Variants in INKA2 observed in about 807,000 individuals in gnomAD.
INKA2 encodes the protein inka box actin regulator 2.
INKA2 carries 3 observed loss-of-function variants against 9.8 expected under a neutral mutation model. That is an observed-to-expected ratio of 0.31 (90% CI 0.14 to 0.79). INKA2 has a LOEUF of 0.79. Among genes scored for constraint, INKA2 ranks in the 30% least tolerant of loss-of-function variants. INKA2 has a pLI of 0.62. For synonymous variants in INKA2, 147 were observed against 143.3 expected, an observed-to-expected ratio of 1.03 and a Z score of -0.18; for missense variants, 392 against 384.4, an observed-to-expected ratio of 1.02 and a Z score of -0.17.
chr1:111,739,891 T>C (rs80260187), upstream of INKA2: 1 of 152,190 alleles, frequency 6.6e-6, no homozygotes, highest in South Asian at 2.1e-4. Flanking sequence ...AGTGAAATCC[T>C]CGCAGCCCTG....
Position 111,739,177 on chromosome 1 carries a change from C to G in INKA2, c.57+9G>C, listed in dbSNP as rs552811222. On this transcript the variant is annotated intron_variant, in intron 1 of 1. Transcript: ENST00000357260. ...GCCCTCCCTGCCCCGGCGCCAGCTT[C>G]GCTCTTACCAGCTCCTGTTTGAGGC... 12 of 1,613,134 alleles carry G rather than the reference C, an allele frequency of 7.4e-6. No individual in the cohort carries two copies. In the East Asian group the frequency reaches 1.8e-4, roughly 24 times the overall value.
rs197433 is a variant in INKA2 at position 111,726,044 on chromosome 1, T to C, written c.*924A>G. 0.83 allele frequency: 331,944 copies of C among 398,564 alleles called. 138,760 individuals are homozygous for C. The highest frequency in any genetic ancestry group is 0.94 in the African/African-American group (45,779 of 48,746). The allele number at this position is 398,564 out of a possible 1,614,324, so 24.7% of individuals were successfully genotyped here. ...GAGCCACAGCGCCCAGCCTGCGGGGTGCTAAGAACTGTTGGGGAGGAGTGT... is the reference window on the plus strand; with the variant it reads ...GAGCCACAGCGCCCAGCCTGCGGGGCGCTAAGAACTGTTGGGGAGGAGTGT... On this transcript the variant is annotated 3_prime_UTR_variant, in exon 2 of 2. Coordinates refer to ENST00000357260, the MANE Select transcript of INKA2 (RefSeq NM_019099.5).
intron 1 of INKA2, among the ~76,000 whole-genome samples, chr1:111,738,626 CCCCCGCAGCCGCGCCAGCTCTGCCAAG>C (rs1663059919): frequency 6.6e-6 from 1 of 152,180 alleles, no homozygotes; most frequent in African/African-American, 2.4e-5. Flanking sequence ...GCCAAGCCTG[CCCCCGCAGCCGCGCCAGCTCTGCCAAG>C]CCCGGCAGAG....
intron 1 of INKA2, chr1:111,745,293 A>ATATATATATATATATTTT (rs1358304932): frequency 2.6e-4 from 13 of 49,256 alleles, no homozygotes; most frequent in South Asian, 2.0e-3. Context: ...ATATATATAT[A>ATATATATATATATATTTT]TTTTTTTTTT....
At chr1:111,732,562 C>T (rs1662931242) in intron 1 of INKA2, among the ~76,000 whole-genome samples, 1 of 139,400 alleles carries the variant, frequency 7.2e-6, no homozygotes, top group Non-Finnish European at 1.5e-5. Flanking sequence ...TAGTCTCTCT[C>T]TCTGTTACAC....
intron 1 of INKA2, chr1:111,754,334 A>C (rs2101406953): frequency 6.6e-6 from 1 of 152,292 alleles, no homozygotes; most frequent in Admixed American, 6.5e-5. Context: ...GTACATTTCC[A>C]GGCAAAATAA....
rs756832621 is a variant in INKA2, at chr1:111,739,218, C to T, written c.25G>A (p.Asp9Asn). The T allele has an allele frequency of 6.2e-7, 1 of 1,613,794 alleles. No homozygotes were observed. The highest frequency in any genetic ancestry group is 1.7e-5 in the Admixed American group (1 of 60,024). The change falls in exon 1 of 2, where the codon GAC becomes AAC. Residue 9 changes from aspartate to asparagine, a missense_variant. Asp to Asn is a conservative substitution (Grantham distance 23, BLOSUM62 1). Coordinates refer to ENST00000357260, the MANE Select transcript of INKA2 (RefSeq NM_019099.5). MTMESREM[D>N]CYLRRLKQEL... ...TGTTTGAGGCGACGGAGATAGCAGT[C>T]CATTTCCCTGCTCTCCATCGTCATG... is the stretch of plus-strand genomic sequence containing the variant.
chr1:111,739,493 G>T, upstream of INKA2: 1 of 1,305,728 alleles, frequency 7.7e-7, no homozygotes, highest in Non-Finnish European at 1.0e-6. Context: ...CAGCCAATGG[G>T]CAGGGCGGCC....
At position 111,727,369 on chromosome 1, in the gene INKA2, G is replaced by A. The variant is rs748187305; in HGVS notation, c.493C>T (p.Leu165=). Residue 165 remains leucine (L), a synonymous_variant, in exon 2 of 2, where the codon CTG becomes TTG. Coordinates refer to ENST00000357260, the MANE Select transcript of INKA2 (RefSeq NM_019099.5). ...LVLGDNVFAD[L]VGNWLDLPEL... ...GGCAAGTCTAGCCAATTGCCCACCA[G>A]GTCTGCAAAAACGTTGTCCCCTAAC... The A allele has an allele frequency of 6.2e-6, 10 of 1,613,912 alleles. No individual in the cohort carries two copies. The highest frequency in any genetic ancestry group is 7.6e-6 in the Non-Finnish European group (9 of 1,179,974).
chr1:111,749,436 G>GTGTA (rs1663348809), intron 1 of INKA2, among the ~76,000 whole-genome samples: 1 of 146,640 alleles, frequency 6.8e-6, no homozygotes, highest in Admixed American at 6.7e-5. Context: ...GTGTGTGTGT[G>GTGTA]TGTGTGTGTG....
intron 1 of INKA2, among the ~76,000 whole-genome samples, chr1:111,731,833 T>G (rs751297620): frequency 6.6e-6 from 1 of 152,236 alleles, no homozygotes; most frequent in Non-Finnish European, 1.5e-5. Context: ...ACTTAGCACA[T>G]AGTAATGACA....
chr1:111,733,938 C>T (rs1662961108), intron 1 of INKA2, among the ~76,000 whole-genome samples: 1 of 152,192 alleles, frequency 6.6e-6, no homozygotes, highest in Non-Finnish European at 1.5e-5. Flanking sequence ...TGCCTCACTT[C>T]CCCCACCCCA....
In INKA2 at chr1:111,723,433, G is replaced by GCCTGGCCAACACTAGC. The variant is rs3839026; in HGVS notation, c.*3534_*3535insGCTAGTGTTGGCCAGG. ...GAGGGAGACCAGGCCGGCCCCACTA[G>GCCTGGCCAACACTAGC]CATGCCCAGCAGGGACTCTTTTCTG... On this transcript the variant is annotated 3_prime_UTR_variant, in exon 2 of 2. Transcript: ENST00000357260. 3 of 349,568 alleles carry GCCTGGCCAACACTAGC rather than the reference G, an allele frequency of 8.6e-6. No individual in the cohort carries two copies. Among genetic ancestry groups the GCCTGGCCAACACTAGC allele is most frequent in the Non-Finnish European group, 1.6e-5 (3 of 193,370 alleles). The allele number at this position is 349,568 out of a possible 1,614,324, so 21.7% of individuals were successfully genotyped here.
intron 1 of INKA2, among the ~76,000 whole-genome samples, chr1:111,734,776 C>T (rs867434664): frequency 6.6e-6 from 1 of 152,234 alleles, no homozygotes; most frequent in Non-Finnish European, 1.5e-5. Flanking sequence ...ATTTATCCCT[C>T]AAAGTCTAGT....
At chr1:111,732,406 G>A (rs1160900901) in intron 1 of INKA2, among the ~76,000 whole-genome samples, 1 of 152,086 alleles carries the variant, frequency 6.6e-6, no homozygotes, top group Non-Finnish European at 1.5e-5. Context: ...AGGGTGCGGA[G>A]TTCCTCCGGA....
intron 1 of INKA2, among the ~76,000 whole-genome samples, chr1:111,733,318 T>C (rs1390910807): frequency 6.6e-6 from 1 of 152,168 alleles, no homozygotes; most frequent in Non-Finnish European, 1.5e-5. Context: ...GCCTCCATCA[T>C]CCTGAGCACC....
chr1:111,750,408 T>C (rs1416797014), intron 1 of INKA2, among the ~76,000 whole-genome samples: 1 of 152,184 alleles, frequency 6.6e-6, no homozygotes, highest in East Asian at 1.9e-4. Context: ...ATACATTCTA[T>C]CTAGAAGGGC....
In INKA2 at chr1:111,724,651, G is replaced by C. The variant is rs895873211; in HGVS notation, c.*2317C>G. The C allele has an allele frequency of 6.6e-6, 1 of 152,106 alleles. No individual in the cohort carries two copies. The highest frequency in any genetic ancestry group is 2.5e-5 in the African/African-American group (1 of 40,604). 9.4% of individuals were successfully genotyped at this position (152,106 alleles called of 1,614,324 possible). A position where few individuals can be genotyped will look rare whatever the true frequency, so the allele number is the denominator to read the frequency against. On this transcript the variant is annotated 3_prime_UTR_variant, in exon 2 of 2. Coordinates refer to ENST00000357260, the MANE Select transcript of INKA2 (RefSeq NM_019099.5). ...ACCTCCACCATCTCCACCTCCAAAG[G>C]CAGTCAGAGCCAACGTTCCCTCACT...
At chr1:111,743,674 C>G (rs1294764457), upstream of INKA2, among the ~76,000 whole-genome samples, 1 of 152,206 alleles carries the variant, frequency 6.6e-6, no homozygotes, top group Non-Finnish European at 1.5e-5. Context: ...GAGGCAGTAT[C>G]CAGCTTCTCA....
Sources: allele counts gnomAD v4.1 joint callset (sites outside exome capture counted in the v4.1 genomes callset), GRCh38; gene constraint gnomAD v4.1.1; transcripts MANE v1.5; gene names NCBI Gene and HGNC (gene_info 2026-07-23, HGNC 2026-07-21).